Variants in OSBPL10 observed in about 807,000 individuals in gnomAD.
OSBPL10 encodes the protein oxysterol binding protein like 10, also known as oxysterol-binding protein-related protein 10.
OSBPL10 carries 49 observed loss-of-function variants against 81.7 expected under a neutral mutation model. That is an observed-to-expected ratio of 0.60 (90% CI 0.48 to 0.76). OSBPL10 has a LOEUF of 0.76. Ranked by LOEUF, OSBPL10 falls within the 30% of genes least tolerant of loss-of-function variation. The pLI is 0.00. For missense variants in OSBPL10, 923 were observed against 987.8 expected (o/e 0.93, Z 0.88); for synonymous variants, 419 against 383.6 (o/e 1.09, Z -1.08).
At position 31,747,999 on chromosome 3, in the gene OSBPL10, G is replaced by A; in HGVS notation, c.851C>T (p.Ala284Val). ...DLLLLKATSA[A>V]TLSCLGECLN... Reference sequence around the variant, plus strand: ...GCACTCCCCAAGGCAGCTGAGGGTGGCAGCAGAGGTAGCTTTCAGGAGCAG... The same window carrying A: ...GCACTCCCCAAGGCAGCTGAGGGTGACAGCAGAGGTAGCTTTCAGGAGCAG... Residue 284 changes from alanine to valine, a missense_variant, in exon 5 of 12, where the codon GCC (alanine) becomes GTC (valine). Around this residue, in one of 3 missense-constraint regions of OSBPL10, gnomAD observed 514 missense variants for 508.0 expected, o/e 1.01. Transcript: ENST00000396556. 1.2e-6 allele frequency: 2 copies of A among 1,614,202 alleles called. No homozygotes were observed. Among genetic ancestry groups the A allele is most frequent in the Non-Finnish European group, 1.7e-6 (2 of 1,180,036 alleles).
At chr3:31,663,296 G>T (rs566940221) in intron 11 of OSBPL10, 18 of 985,184 alleles carry the variant, frequency 1.8e-5, no homozygotes, top group Non-Finnish European at 2.0e-5. Context: ...TGAACAACTA[G>T]ACAATCTGTT....
intron 6 of OSBPL10, among the ~76,000 whole-genome samples, chr3:31,717,826 G>A (rs1235064609): frequency 6.6e-6 from 1 of 152,114 alleles, no homozygotes; most frequent in East Asian, 1.9e-4. Flanking sequence ...GGCTCACTAT[G>A]TCCTCTGCTT....
Position 32,065,975 on chromosome 3 carries a change from GAA to G in OSBPL10, n.185+11419_185+11420del, listed in dbSNP as rs1398848222. ...AGAAAGAAAGAAAGAAAGAAAGAAA[GAA>G]AGAAAGAAAGAAAGAAAGAAAGAAA... is the stretch of plus-strand genomic sequence containing the variant. On this transcript the variant is annotated intron_variant and non_coding_transcript_variant, in intron 1 of 3. Transcript: ENST00000479173. 1.1e-4 allele frequency among the ~76,000 whole-genome samples: 7 copies of G among 61,170 alleles called. 2 individuals carry two copies. The highest frequency in any genetic ancestry group is 2.6e-4 in the African/African-American group (7 of 26,998). The allele number at this position is 61,170 out of a possible 152,430, so 40.1% of individuals were successfully genotyped here. A position where few individuals can be genotyped will look rare whatever the true frequency, so the allele number is the denominator to read the frequency against.
chr3:31,667,246 C>T (rs1487948449), intron 10 of OSBPL10, among the ~76,000 whole-genome samples: 2 of 152,222 alleles, frequency 1.3e-5, no homozygotes, highest in Non-Finnish European at 2.9e-5. Flanking sequence ...CCTTCCTTAT[C>T]GCAGCCTTTC....
At chr3:31,890,540 G>C (rs1210692320) in intron 1 of OSBPL10, among the ~76,000 whole-genome samples, 1 of 152,108 alleles carries the variant, frequency 6.6e-6, no homozygotes, top group African/African-American at 2.4e-5. Context: ...CCACCAGCCT[G>C]AGAGGCTGCT....
chr3:31,799,716 G>A (rs1454216481), intron 4 of OSBPL10, among the ~76,000 whole-genome samples: 1 of 152,134 alleles, frequency 6.6e-6, no homozygotes, highest in Admixed American at 6.5e-5. Context: ...CACAAAAATC[G>A]TAAGCAGCAG....
intron 2 of OSBPL10, among the ~76,000 whole-genome samples, chr3:32,005,275 C>T (rs780611230): frequency 3.3e-5 from 5 of 152,138 alleles, no homozygotes; most frequent in African/African-American, 4.8e-5. Flanking sequence ...ATGATGCACA[C>T]GCACATCTAG....
At chr3:31,894,493 CTGTT>C (rs950194175) in intron 1 of OSBPL10, among the ~76,000 whole-genome samples, 3 of 152,176 alleles carry the variant, frequency 2.0e-5, no homozygotes, top group Non-Finnish European at 4.4e-5. Flanking sequence ...ATACACTCAT[CTGTT>C]TATTTCTAGA....
At chr3:32,043,969 C>T (rs1040257497) in intron 2 of OSBPL10, among the ~76,000 whole-genome samples, 1 of 149,396 alleles carries the variant, frequency 6.7e-6, no homozygotes, top group Non-Finnish European at 1.5e-5. Flanking sequence ...ACTATGCTCA[C>T]TACCTATTGG....
At chr3:31,665,869 C>T (rs762679301) in intron 10 of OSBPL10, among the ~76,000 whole-genome samples, 1 of 152,082 alleles carries the variant, frequency 6.6e-6, no homozygotes, top group Non-Finnish European at 1.5e-5. Flanking sequence ...ATGGTAAGTC[C>T]CATCTTAAGA....
In OSBPL10 at chr3:31,845,014, C is replaced by T. The variant is rs189155120; in HGVS notation, c.538-14783G>A. ...GGAGGATCACTTGAGCCCAGGAGGTCAAAGCTGCAGTAAGCCGTGTTTGTG... is the reference window on the plus strand; with the variant it reads ...GGAGGATCACTTGAGCCCAGGAGGTTAAAGCTGCAGTAAGCCGTGTTTGTG... On this transcript the variant is annotated intron_variant, in intron 3 of 11. Coordinates refer to ENST00000396556, the MANE Select transcript of OSBPL10 (RefSeq NM_017784.5). Among the ~76,000 whole-genome samples, 22 of 152,224 alleles carry T rather than the reference C, an allele frequency of 1.4e-4. 1 individual carries two copies. In the East Asian group the frequency reaches 3.1e-3, roughly 21 times the overall value.
At chr3:31,918,931 T>C (rs1696832413) in intron 1 of OSBPL10, among the ~76,000 whole-genome samples, 1 of 152,188 alleles carries the variant, frequency 6.6e-6, no homozygotes, top group African/African-American at 2.4e-5. Context: ...AGCCCATTTG[T>C]GGTTTCGATC....
intron 4 of OSBPL10, among the ~76,000 whole-genome samples, chr3:31,780,142 G>C (rs1436911416): frequency 7.9e-5 from 12 of 151,994 alleles, no homozygotes; most frequent in African/African-American, 2.7e-4. Flanking sequence ...AATACAAAAA[G>C]ATTAGCCGGG....
intron 4 of OSBPL10, among the ~76,000 whole-genome samples, chr3:31,809,438 C>A (rs4444746): frequency 1.3e-5 from 2 of 152,042 alleles, no homozygotes; most frequent in Admixed American, 1.3e-4. Context: ...ACAAACACTT[C>A]AGCTGGATAA....
At chr3:32,026,693 C>T (rs974703778) in intron 2 of OSBPL10, among the ~76,000 whole-genome samples, 15 of 152,154 alleles carry the variant, frequency 9.9e-5, no homozygotes, top group Admixed American at 4.6e-4. Flanking sequence ...GGGAAATGAC[C>T]GCCATACTAA....
Position 31,981,023 on chromosome 3 carries a change from C to T in OSBPL10, c.157G>A (p.Gly53Arg). 6.8e-7 allele frequency: 1 copy of T among 1,473,040 alleles called. No homozygotes were observed. Among genetic ancestry groups the T allele is most frequent in the South Asian group, 1.3e-5 (1 of 74,826 alleles). The allele number at this position is 1,473,040 out of a possible 1,614,324, so 91.2% of individuals were successfully genotyped here. The change falls in exon 1 of 12, where the codon GGA becomes AGA. Residue 53 changes from glycine to arginine, a missense_variant. Around this residue, in one of 3 missense-constraint regions of OSBPL10, gnomAD observed 514 missense variants for 508.0 expected, o/e 1.01. Transcript: ENST00000396556. This position sits in a 1 kb window ranked among gnomAD's most constrained non-coding sequence, Gnocchi z 4.5. ...RSAAAGLGGG[G>R]SRSSPGSVAA... Reference sequence around the variant, plus strand: ...ACAGAGCCCGGGCTGCTGCGGCTTCCCCCGCCGCCGAGCCCGGCCGCCGCC... The same window carrying T: ...ACAGAGCCCGGGCTGCTGCGGCTTCTCCCGCCGCCGAGCCCGGCCGCCGCC...
chr3:31,845,007 A>C (rs1034021935), intron 3 of OSBPL10, among the ~76,000 whole-genome samples: 70 of 152,218 alleles, frequency 4.6e-4, no homozygotes, highest in Non-Finnish European at 3.8e-4. Flanking sequence ...ACTTGAGCCC[A>C]GGAGGTCAAA....
chr3:31,901,758 G>T (rs903462128), intron 1 of OSBPL10, among the ~76,000 whole-genome samples: 7 of 152,186 alleles, frequency 4.6e-5, no homozygotes, highest in Non-Finnish European at 7.3e-5. Flanking sequence ...GTACAAAAAG[G>T]GCATTTAGGC....
At chr3:31,918,438 C>T (rs1696818588) in intron 1 of OSBPL10, among the ~76,000 whole-genome samples, 1 of 151,994 alleles carries the variant, frequency 6.6e-6, no homozygotes, top group Non-Finnish European at 1.5e-5. Flanking sequence ...AAACGATCCT[C>T]CTGCCTCAGC....
Sources: allele counts gnomAD v4.1 joint callset (sites outside exome capture counted in the v4.1 genomes callset), GRCh38; gene constraint gnomAD v4.1.1; regional missense constraint gnomAD v4.1.1; non-coding constraint Gnocchi (gnomAD v3.1); transcripts MANE v1.5; gene names NCBI Gene and HGNC (gene_info 2026-07-23, HGNC 2026-07-21).